The following TSNARE1 variants were observed in gnomAD, a reference collection of about 807,000 sequenced individuals.
TSNARE1 encodes t-SNARE domain containing 1.
A neutral mutation model predicts 62.0 loss-of-function variants in TSNARE1; 49 were observed. The observed-to-expected ratio is 0.79, with a 90% CI of 0.63 to 1.00. TSNARE1 has a LOEUF of 1.00. Ranked by LOEUF, TSNARE1 falls within the 50% of genes least tolerant of loss-of-function variation. The pLI, the probability that TSNARE1 is intolerant of heterozygous loss-of-function variation, is 0.00. For missense variants in TSNARE1, 755 were observed against 700.1 expected, an observed-to-expected ratio of 1.08 and a Z score of -0.88; for synonymous variants, 328 against 294.4, an observed-to-expected ratio of 1.11 and a Z score of -1.17.
At chr8:142,405,082 C>A (rs532874398), upstream of TSNARE1, 1 of 152,362 alleles carries the variant, frequency 6.6e-6, no homozygotes. Flanking sequence ...GGGATGAGCC[C>A]GCCTGAGTGC....
chr8:142,343,005 TC>T (rs1832801414), intron 4 of TSNARE1, among the ~76,000 whole-genome samples: 1 of 151,998 alleles, frequency 6.6e-6, no homozygotes, highest in Non-Finnish European at 1.5e-5. Flanking sequence ...CCTGCACCTG[TC>T]CCAGCACCTG....
intron 12 of TSNARE1, among the ~76,000 whole-genome samples, chr8:142,252,938 C>T (rs1293290042): frequency 6.6e-6 from 1 of 152,234 alleles, no homozygotes; most frequent in East Asian, 1.9e-4. Context: ...ACAGACACGC[C>T]TGCTCTGCGT....
At chr8:142,322,735 ATGT>A (rs1047425859) in intron 6 of TSNARE1, among the ~76,000 whole-genome samples, 5 of 151,600 alleles carry the variant, frequency 3.3e-5, no homozygotes, top group Non-Finnish European at 7.4e-5. Context: ...CTGGGCGACG[ATGT>A]TGTTATGAAA....
At chr8:142,278,505 G>A in intron 11 of TSNARE1, 3 of 985,474 alleles carry the variant, frequency 3.0e-6, no homozygotes, top group Non-Finnish European at 3.6e-6. Context: ...TTCGAAGGGT[G>A]TGCCACCATA....
At chr8:142,279,877 G>A in intron 11 of TSNARE1, 4 of 1,037,190 alleles carry the variant, frequency 3.9e-6, no homozygotes, top group Non-Finnish European at 4.7e-6. Flanking sequence ...GGGCTCCGTG[G>A]TCTGGCCCTC....
intron 11 of TSNARE1, 35 bp downstream of exon 11, chr8:142,284,378 G>A: frequency 3.2e-6 from 5 of 1,566,522 alleles, no homozygotes; most frequent in Non-Finnish European, 4.4e-6. Context: ...GGCCCTCGGG[G>A]CAGCAGGTGG....
chr8:142,386,496 T>C (rs1254204064), intron 1 of TSNARE1, among the ~76,000 whole-genome samples: 1 of 152,024 alleles, frequency 6.6e-6, no homozygotes, highest in Non-Finnish European at 1.5e-5. Context: ...TCAGGTCAAA[T>C]GTAGGTTACC....
chr8:142,247,112 G>A (rs1817919428), intron 12 of TSNARE1, among the ~76,000 whole-genome samples: 1 of 152,230 alleles, frequency 6.6e-6, no homozygotes, highest in Admixed American at 6.5e-5. Context: ...AGAGCCCTGA[G>A]CCTGGGCAGG....
intron 11 of TSNARE1, chr8:142,276,334 G>A (rs555212601): frequency 2.0e-6 from 2 of 985,488 alleles, no homozygotes; most frequent in South Asian, 4.7e-5. Flanking sequence ...TGGAGGAGGA[G>A]AGGGAAGGAA....
At chr8:142,244,675 C>G (rs999535244) in intron 12 of TSNARE1, among the ~76,000 whole-genome samples, 12 of 152,102 alleles carry the variant, frequency 7.9e-5, no homozygotes, top group African/African-American at 2.9e-4. Flanking sequence ...AGAACGAATC[C>G]GGGAGGTGGA....
chr8:142,368,716 A>G (rs1208377058), intron 1 of TSNARE1, among the ~76,000 whole-genome samples: 2 of 152,192 alleles, frequency 1.3e-5, no homozygotes, highest in Non-Finnish European at 2.9e-5. Flanking sequence ...TGCAGGTGCC[A>G]GCAGACGGCA....
chr8:142,372,808 C>G (rs1027208413), intron 1 of TSNARE1, among the ~76,000 whole-genome samples: 1 of 150,092 alleles, frequency 6.7e-6, no homozygotes, highest in Admixed American at 6.6e-5. Context: ...TTGAGAAGGT[C>G]ACCCCACCAG....
In TSNARE1 at chr8:142,308,135, T is replaced by C. The variant is rs887852643; in HGVS notation, c.1131+6249A>G. On this transcript the variant is annotated intron_variant, in intron 9 of 13. Transcript: ENST00000524325. ...GTAAGATATCTTTATATATTAAGGA[T>C]GTAAGTCCTTTTCACACGTGTTGTA... 3.9e-5 allele frequency among the ~76,000 whole-genome samples: 6 copies of C among 152,362 alleles called. No individual in the cohort carries two copies. The East Asian group carries it at 9.6e-4, about 24-fold the overall frequency.
At chr8:142,293,423 C>T (rs1045431511) in intron 10 of TSNARE1, among the ~76,000 whole-genome samples, 3 of 152,246 alleles carry the variant, frequency 2.0e-5, no homozygotes, top group Non-Finnish European at 2.9e-5. Context: ...CCTGAGTTCT[C>T]GCCAGGCAGT....
chr8:142,230,668 G>A (rs1358520406), intron 12 of TSNARE1, among the ~76,000 whole-genome samples: 12 of 152,038 alleles, frequency 7.9e-5, no homozygotes, highest in Non-Finnish European at 1.6e-4. Flanking sequence ...AACTGGATAG[G>A]GGAGAGGAGG....
intron 2 of TSNARE1, among the ~76,000 whole-genome samples, chr8:142,347,288 T>A (rs1833501474): frequency 6.6e-6 from 1 of 152,202 alleles, no homozygotes; most frequent in Non-Finnish European, 1.5e-5. Context: ...GACACTGCCC[T>A]GGGAAAACCA....
intron 1 of TSNARE1, among the ~76,000 whole-genome samples, chr8:142,365,190 T>A (rs1437679325): frequency 2.6e-5 from 4 of 152,098 alleles, no homozygotes; most frequent in Non-Finnish European, 2.9e-5. Context: ...GAACACCACT[T>A]CCATGATCTC....
At chr8:142,338,742 C>G (rs971492550) in intron 4 of TSNARE1, among the ~76,000 whole-genome samples, 1 of 152,264 alleles carries the variant, frequency 6.6e-6, no homozygotes, top group African/African-American at 2.4e-5. Context: ...CCAGTCAAGA[C>G]AGTGTGCAGC....
chr8:142,308,427 C>T (rs753404430), intron 9 of TSNARE1, among the ~76,000 whole-genome samples: 16 of 152,172 alleles, frequency 1.1e-4, no homozygotes, highest in Admixed American at 1.0e-3. Flanking sequence ...CCAGTTCAAA[C>T]ATCCGAGTGA....
Sources: allele counts gnomAD v4.1 joint callset (sites outside exome capture counted in the v4.1 genomes callset), GRCh38; gene constraint gnomAD v4.1.1; transcripts MANE v1.5; gene names NCBI Gene and HGNC (gene_info 2026-07-23, HGNC 2026-07-21).